HECTD4: variants seen among roughly 807,000 people sequenced by gnomAD.
HECTD4 encodes HECT domain E3 ubiquitin protein ligase 4, also known as probable E3 ubiquitin-protein ligase HECTD4.
In HECTD4, 114 loss-of-function variants were observed where a neutral mutation model predicts 471.5. The ratio of observed to expected loss-of-function variants is 0.24; its 90% CI spans 0.21 to 0.28. The LOEUF is 0.28. HECTD4 is among the 10% of genes least tolerant of loss of function. The pLI, the probability that HECTD4 is intolerant of heterozygous loss-of-function variation, is 1.00. For missense variants in HECTD4, 3,866 were observed against 5,651.5 expected, an observed-to-expected ratio of 0.68 and a Z score of 10.13; for synonymous variants, 2,012 against 2,256.0, an observed-to-expected ratio of 0.89 and a Z score of 3.07.
intron 34 of HECTD4, 78 bp from the exon 35 acceptor site, chr12:112,237,176 C>A: frequency 7.6e-7 from 1 of 1,312,048 alleles, no homozygotes; most frequent in South Asian, 1.5e-5. Context: ...GGCGGCGAGC[C>A]CTGTCCATTT....
intron 1 of HECTD4, among the ~76,000 whole-genome samples, chr12:112,323,965 T>TCTTTCCTTC (rs2035648599): frequency 2.3e-5 from 1 of 43,954 alleles, no homozygotes; most frequent in Non-Finnish European, 4.3e-5. Flanking sequence ...TTTCTTTCTT[T>TCTTTCCTTC]CTTCCTTCCT....
rs2035540255 is a variant in HECTD4 at position 112,319,171 on chromosome 12, A to G, written c.695+54T>C. On this transcript the variant is annotated intron_variant, in intron 2 of 75. Coordinates refer to ENST00000682272, the MANE Select transcript of HECTD4 (RefSeq NM_001388303.1). This position sits in a 1 kb window ranked among gnomAD's most constrained non-coding sequence, Gnocchi z 5.3. ...ACTTGGCCTCTTCTTCATTCACCCA[A>G]CCCAGGTGGCAGTAGTCACAAGGTC... 4 of 1,515,804 alleles carry G rather than the reference A, an allele frequency of 2.6e-6. No homozygotes were observed. In the African/African-American group the frequency reaches 4.1e-5, roughly 16 times the overall value. 93.9% of individuals were successfully genotyped at this position (1,515,804 alleles called of 1,614,324 possible). A position where few individuals can be genotyped will look rare whatever the true frequency, so the allele number is the denominator to read the frequency against.
At chr12:112,302,393 GT>G in intron 7 of HECTD4, 1 of 753,956 alleles carries the variant, frequency 1.3e-6, no homozygotes, top group Non-Finnish European at 2.4e-6. Context: ...AAGCAGTTGA[GT>G]AACTGTTTGG....
chr12:112,301,804 T>C, intron 7 of HECTD4: 1 of 568,058 alleles, frequency 1.8e-6, no homozygotes, highest in Non-Finnish European at 3.1e-6. Flanking sequence ...CTAGCTGTTT[T>C]TTTTTTTAAG....
chr12:112,348,766 G>C (rs964391478), intron 1 of HECTD4, among the ~76,000 whole-genome samples: 1 of 151,942 alleles, frequency 6.6e-6, no homozygotes, highest in Non-Finnish European at 1.5e-5. Context: ...AAAAAAAAGT[G>C]TATATTAGCA....
chr12:112,355,817 T>C (rs1420394393), intron 1 of HECTD4, among the ~76,000 whole-genome samples: 1 of 152,174 alleles, frequency 6.6e-6, no homozygotes, highest in Non-Finnish European at 1.5e-5. Flanking sequence ...TTCTATTTCA[T>C]TATATAAAGA....
At chr12:112,325,656 G>T (rs1313278865) in intron 1 of HECTD4, among the ~76,000 whole-genome samples, 1 of 152,072 alleles carries the variant, frequency 6.6e-6, no homozygotes, top group Non-Finnish European at 1.5e-5. Flanking sequence ...GCTATTTAAG[G>T]AAAAGGGAAT....
Position 112,365,901 on chromosome 12 carries a change from G to A in HECTD4, c.177+16051C>T, listed in dbSNP as rs148686130. On this transcript the variant is annotated intron_variant, in intron 1 of 75. Transcript: ENST00000682272. Reference sequence around the variant, plus strand: ...AGTGATCCTCCCACCTCAGCCTCCCGAGTACCTGGGACTTGGGTGTATACC... The same window carrying A: ...AGTGATCCTCCCACCTCAGCCTCCCAAGTACCTGGGACTTGGGTGTATACC... 1.2e-3 allele frequency among the ~76,000 whole-genome samples: 178 copies of A among 150,224 alleles called. 5 individuals carry two copies. In the East Asian group the frequency reaches 0.034, roughly 28 times the overall value.
chr12:112,204,336 C>A, intron 53 of HECTD4, 150 bp downstream of exon 53: 1 of 756,066 alleles, frequency 1.3e-6, no homozygotes, highest in Non-Finnish European at 2.2e-6. Flanking sequence ...TGCCCTAGGG[C>A]TTCACATGGG....
intron 45 of HECTD4, among the ~76,000 whole-genome samples, chr12:112,217,974 T>A (rs1310620930): frequency 1.3e-5 from 2 of 152,050 alleles, no homozygotes; most frequent in Non-Finnish European, 1.5e-5. Context: ...AAGCAACTTT[T>A]AAAAAATTTA....
Position 112,163,656 on chromosome 12 carries a change from G to A in HECTD4, c.12783C>T (p.Ala4261=), listed in dbSNP as rs377053677. ...TGATGGAGCCCAGGCCGGCCCGCAC[G>A]GCCGTCACGCACTCCACATTCTGCA... is the stretch of plus-strand genomic sequence containing the variant. ...RELQNVECVT[A]VRAGLGSIIP... is the part of the protein sequence containing the mutation. The change falls in exon 74 of 76, where the codon GCC becomes GCT. Residue 4261 remains alanine (A), a synonymous_variant. Coordinates refer to ENST00000682272, the MANE Select transcript of HECTD4 (RefSeq NM_001388303.1). This position sits in a 1 kb window ranked among gnomAD's most constrained non-coding sequence, Gnocchi z 8.2. The A allele has an allele frequency of 1.9e-4, 296 of 1,540,322 alleles. No homozygotes were observed. The East Asian group carries it at 2.2e-3, about 11-fold the overall frequency.
intron 1 of HECTD4, among the ~76,000 whole-genome samples, chr12:112,335,969 T>C (rs2035950360): frequency 1.3e-5 from 2 of 151,918 alleles, no homozygotes; most frequent in Admixed American, 6.6e-5. Flanking sequence ...ACATTATGTG[T>C]GCACTGATGA....
At chr12:112,252,865 A>C (rs903011604) in intron 22 of HECTD4, among the ~76,000 whole-genome samples, 8 of 151,136 alleles carry the variant, frequency 5.3e-5, no homozygotes, top group African/African-American at 2.0e-4. Flanking sequence ...GCTGGAGTGC[A>C]GTGGCACAAT....
intron 9 of HECTD4, among the ~76,000 whole-genome samples, chr12:112,278,929 T>C (rs1027164801): frequency 1.1e-4 from 16 of 152,224 alleles, no homozygotes; most frequent in African/African-American, 3.9e-4. Flanking sequence ...GTAGAGCTCT[T>C]GCTGTATCAT....
intron 21 of HECTD4, 51 bp downstream of exon 21, chr12:112,256,269 A>G: frequency 7.7e-7 from 1 of 1,298,618 alleles, no homozygotes; most frequent in South Asian, 1.8e-5. Context: ...AGAAGCATCT[A>G]AGAATCAGCT....
chr12:112,274,958 G>C lies in HECTD4; in HGVS notation c.1690C>G (p.Leu564Val). 1 of 1,535,046 alleles carries C rather than the reference G, an allele frequency of 6.5e-7. No homozygotes were observed. Among genetic ancestry groups the C allele is most frequent in the Non-Finnish European group, 8.8e-7 (1 of 1,133,318 alleles). ...ATATTATACACCAAGCTGGAGGCTA[G>C]GACTTTGGAAACAAACATTAAGCTG... is the stretch of plus-strand genomic sequence containing the variant. ...GTSGLSSLKI[L>V]ASSLVYNISD... Residue 564 changes from leucine (L) to valine (V), a missense_variant and splice_region_variant, in exon 10 of 76, where the codon CTA becomes GTA. Physicochemically the swap from Leu to Val is conservative, Grantham distance 32. Around this residue, in one of 16 missense-constraint regions of HECTD4, gnomAD observed 525 missense variants for 672.6 expected, o/e 0.78. Coordinates refer to ENST00000682272, the MANE Select transcript of HECTD4 (RefSeq NM_001388303.1).
At chr12:112,360,293 G>A (rs565083874) in intron 1 of HECTD4, among the ~76,000 whole-genome samples, 1 of 152,156 alleles carries the variant, frequency 6.6e-6, no homozygotes, top group African/African-American at 2.4e-5. Context: ...AATAGCCACT[G>A]CACTCTAGCC....
intron 1 of HECTD4, among the ~76,000 whole-genome samples, chr12:112,375,127 C>T (rs148530525): frequency 3.0e-4 from 45 of 152,306 alleles, no homozygotes; most frequent in African/African-American, 1.0e-3. Context: ...GATTAGTCTG[C>T]ATTTCTAGAA....
At chr12:112,231,834 C>A in intron 38 of HECTD4, 119 bp from the exon 39 acceptor site, 1 of 826,944 alleles carries the variant, frequency 1.2e-6, no homozygotes, top group Non-Finnish European at 1.9e-6. Flanking sequence ...TTAATTCAAA[C>A]ATAAAATATT....
Sources: allele counts gnomAD v4.1 joint callset (sites outside exome capture counted in the v4.1 genomes callset), GRCh38; gene constraint gnomAD v4.1.1; regional missense constraint gnomAD v4.1.1; non-coding constraint Gnocchi (gnomAD v3.1); transcripts MANE v1.5; gene names NCBI Gene and HGNC (gene_info 2026-07-23, HGNC 2026-07-21).